Variants in SLC34A2 observed in about 807,000 individuals in gnomAD.
SLC34A2 encodes sodium-dependent phosphate transport protein 2B.
SLC34A2 carries 41 observed loss-of-function variants against 50.8 expected under a neutral mutation model. The observed-to-expected ratio is 0.81, with a 90% CI of 0.63 to 1.05. The LOEUF (loss-of-function observed/expected upper bound fraction) is 1.05, where lower values mean the gene tolerates loss of function less well. Ranked by LOEUF, SLC34A2 falls within the 50% of genes least tolerant of loss-of-function variation. The pLI is 0.00. For synonymous variants in SLC34A2, 401 were observed against 364.2 expected (o/e 1.10, Z -1.15); for missense variants, 879 against 876.7 (o/e 1.00, Z -0.03).
Position 25,676,807 on chromosome 4 carries a change from TC to T in SLC34A2, c.*61del. 1 of 1,609,984 alleles carries T rather than the reference TC, an allele frequency of 6.2e-7. No individual in the cohort carries two copies. The highest frequency in any genetic ancestry group is 8.5e-7 in the Non-Finnish European group (1 of 1,177,880). ...GGTCCTTGAGTTTTGCATGCTCTCC[TC>T]CCTCCCACTTCTGCACCCTTTCACC... On this transcript the variant is annotated 3_prime_UTR_variant, in exon 13 of 13. Transcript: ENST00000382051.
intron 4 of SLC34A2, chr4:25,664,971 A>G (rs1263832770): frequency 4.3e-6 from 1 of 230,570 alleles, no homozygotes; most frequent in Non-Finnish European, 8.6e-6. Flanking sequence ...CGGAGAGATC[A>G]TGAACCAGCC....
chr4:25,664,212 C>A lies in SLC34A2; in HGVS notation c.261C>A (p.Thr87=). ...CCCACCCCCCTGCAGAGAGAGACAC[C>A]AAAGGGAAGATTCTCTGTTTCTTCC... ...DSGIKWSERD[T]KGKILCFFQG... Residue 87 remains threonine (T), a synonymous_variant, in exon 4 of 13, where the codon ACC becomes ACA. Coordinates refer to ENST00000382051, the MANE Select transcript of SLC34A2 (RefSeq NM_006424.3). 6.2e-7 allele frequency: 1 copy of A among 1,613,164 alleles called. No individual in the cohort carries two copies. The highest frequency in any genetic ancestry group is 1.1e-5 in the South Asian group (1 of 90,976).
Position 25,668,561 on chromosome 4 carries a change from G to T in SLC34A2, c.635+570G>T, listed in dbSNP as rs192850230. On this transcript the variant is annotated intron_variant, in intron 6 of 12. Coordinates refer to ENST00000382051, the MANE Select transcript of SLC34A2 (RefSeq NM_006424.3). ...GGAGGCTGAGGCAGGAGAATCGCTTGAACCCGGGAGGCGGAGGTTGCAGTG... is the reference window on the plus strand; with the variant it reads ...GGAGGCTGAGGCAGGAGAATCGCTTTAACCCGGGAGGCGGAGGTTGCAGTG... Among the ~76,000 whole-genome samples, 96 of 151,796 alleles carry T rather than the reference G, an allele frequency of 6.3e-4. 3 individuals are homozygous for T. The East Asian group carries it at 0.016, about 26-fold the overall frequency.
chr4:25,676,012 A>C (rs928371083), intron 12 of SLC34A2, 123 bp from the exon 13 acceptor site: 1 of 1,478,332 alleles, frequency 6.8e-7, no homozygotes, highest in African/African-American at 1.4e-5. Flanking sequence ...AGGACAAAGA[A>C]GGCCTGGAAG....
At chr4:25,659,217 A>T (rs980628500) in intron 1 of SLC34A2, among the ~76,000 whole-genome samples, 8 of 151,992 alleles carry the variant, frequency 5.3e-5, no homozygotes, top group African/African-American at 1.9e-4. Context: ...GTTGGAGGCA[A>T]GCTTCTTTGT....
At chr4:25,668,249 A>G (rs1560238091) in intron 6 of SLC34A2, among the ~76,000 whole-genome samples, 1 of 152,252 alleles carries the variant, frequency 6.6e-6, no homozygotes, top group Admixed American at 6.5e-5. Context: ...ACAACCCAGC[A>G]GGTGAGTGTT....
At position 25,676,556 on chromosome 4, in the gene SLC34A2, G is replaced by T; in HGVS notation, c.1880G>T (p.Arg627Leu). ...TGCTGCTGCTGCCGCGTGTGCTGCC[G>T]CGCGTGCTGCTTGCTGTGTGACTGC... ...RCCCCCRVCCRACCLLCDCPK... is the reference protein window; with the variant it reads ...RCCCCCRVCCLACCLLCDCPK... The change falls in exon 13 of 13, where the codon CGC becomes CTC. Residue 627 changes from arginine to leucine, a missense_variant. Arg to Leu is a moderately radical substitution (Grantham distance 102). Transcript: ENST00000382051. 1.2e-6 allele frequency: 2 copies of T among 1,612,856 alleles called. No homozygotes were observed. Among genetic ancestry groups the T allele is most frequent in the South Asian group, 2.2e-5 (2 of 91,056 alleles).
chr4:25,674,669 G>A (rs1408590205), intron 12 of SLC34A2, 40 bp downstream of exon 12: 1 of 1,612,958 alleles, frequency 6.2e-7, no homozygotes, highest in Non-Finnish European at 8.5e-7. Flanking sequence ...CCTGGGAGTG[G>A]GACCACCCAT....
intron 10 of SLC34A2, 47 bp downstream of exon 10, chr4:25,673,301 T>C (rs201425296): frequency 2.5e-6 from 2 of 805,498 alleles, no homozygotes; most frequent in African/African-American, 5.4e-5. Context: ...AGTCACTGCA[T>C]GGGGTGTGGG....
chr4:25,665,612 G>C (rs1362046204), intron 4 of SLC34A2, among the ~76,000 whole-genome samples: 1 of 152,068 alleles, frequency 6.6e-6, no homozygotes, highest in Non-Finnish European at 1.5e-5. Flanking sequence ...GATGGTCTCA[G>C]GTACACTCTT....
At chr4:25,656,830 G>T (rs1430227131) in intron 1 of SLC34A2, among the ~76,000 whole-genome samples, 2 of 152,148 alleles carry the variant, frequency 1.3e-5, no homozygotes, top group Non-Finnish European at 2.9e-5. Flanking sequence ...CTTCCTGTTT[G>T]GGTGCCCCAG....
In SLC34A2 at chr4:25,676,686, TAGC is replaced by T; in HGVS notation, c.2013_2015del (p.Ser671del). 6.2e-7 allele frequency: 1 copy of T among 1,614,102 alleles called. No individual in the cohort carries two copies. The highest frequency in any genetic ancestry group is 8.5e-7 in the Non-Finnish European group (1 of 1,179,992). On this transcript the variant is annotated inframe_deletion, in exon 13 of 13. Coordinates refer to ENST00000382051, the MANE Select transcript of SLC34A2 (RefSeq NM_006424.3). ...CTGAGACCTTTGATAACATAACCAT[TAGC>T]AGAGAGGCTCAGGGTGAGGTCCCTG...
intron 3 of SLC34A2, among the ~76,000 whole-genome samples, chr4:25,663,069 G>C (rs1171466365): frequency 1.3e-5 from 2 of 152,024 alleles, no homozygotes; most frequent in Non-Finnish European, 2.9e-5. Context: ...CTGCCCCGTG[G>C]GTTCAAGCAG....
In SLC34A2 at chr4:25,678,709, T is replaced by G; in HGVS notation, c.*1960T>G. The G allele has an allele frequency of 7.3e-6, 3 of 409,568 alleles. No individual in the cohort carries two copies. The highest frequency in any genetic ancestry group is 4.4e-6 in the Non-Finnish European group (1 of 225,574). 25.4% of individuals were successfully genotyped at this position (409,568 alleles called of 1,614,324 possible). ...GTAATTTTTTTTTTTTTTTTTTTAC[T>G]GGTTATGGGAAGGGAGAAATAAAAT... On this transcript the variant is annotated 3_prime_UTR_variant, in exon 13 of 13. Coordinates refer to ENST00000382051, the MANE Select transcript of SLC34A2 (RefSeq NM_006424.3).
At chr4:25,665,877 G>A (rs899122774) in intron 4 of SLC34A2, among the ~76,000 whole-genome samples, 2 of 152,264 alleles carry the variant, frequency 1.3e-5, no homozygotes, top group African/African-American at 4.8e-5. Flanking sequence ...CTCACAGTGG[G>A]TCGGGAACCA....
intron 6 of SLC34A2, 137 bp downstream of exon 6, chr4:25,668,128 G>T: frequency 4.2e-6 from 3 of 713,034 alleles, no homozygotes; most frequent in Non-Finnish European, 7.7e-6. Flanking sequence ...CCACAGGGAG[G>T]TATGGCTAGG....
chr4:25,676,819 C>T lies in SLC34A2; in HGVS notation c.*70C>T. On this transcript the variant is annotated 3_prime_UTR_variant, in exon 13 of 13. Transcript: ENST00000382051. ...TTGCATGCTCTCCTCCCTCCCACTTCTGCACCCTTTCACCACCTCGAGGAG... is the reference window on the plus strand; with the variant it reads ...TTGCATGCTCTCCTCCCTCCCACTTTTGCACCCTTTCACCACCTCGAGGAG... 4 of 1,605,052 alleles carry T rather than the reference C, an allele frequency of 2.5e-6. No individual in the cohort carries two copies. Among genetic ancestry groups the T allele is most frequent in the Non-Finnish European group, 3.4e-6 (4 of 1,174,370 alleles).
chr4:25,662,612 A>T lies in SLC34A2; in HGVS notation c.112A>T (p.Thr38Ser). Residue 38 changes from threonine to serine, a missense_variant and splice_region_variant, in exon 2 of 13, where the codon ACA (threonine) becomes TCA (serine). Coordinates refer to ENST00000382051, the MANE Select transcript of SLC34A2 (RefSeq NM_006424.3). ...TGATAAAAGCAAAGAGACCAACAAA[A>T]GTAAGTGTCGCTCGTTTGTCTGCAG... is the stretch of plus-strand genomic sequence containing the variant. ...APDKSKETNK[T>S]DNTEAPVTKI... 1 of 1,614,008 alleles carries T rather than the reference A, an allele frequency of 6.2e-7. No individual in the cohort carries two copies. Among genetic ancestry groups the T allele is most frequent in the Non-Finnish European group, 8.5e-7 (1 of 1,179,992 alleles).
intron 6 of SLC34A2, 107 bp from the exon 7 acceptor site, chr4:25,669,540 T>C: frequency 4.1e-6 from 4 of 968,840 alleles, no homozygotes; most frequent in Non-Finnish European, 5.0e-6. Context: ...CACACTTCCA[T>C]AGGTGACACC....
Sources: gnomAD v4.1 joint callset for allele counts (sites outside exome capture counted in the v4.1 genomes callset) on GRCh38, gnomAD v4.1.1 for gene constraint, MANE v1.5 for transcripts, NCBI Gene and HGNC (gene_info 2026-07-23, HGNC 2026-07-21) for gene names.